The following SUPT3H variants were observed in gnomAD, a reference collection of about 807,000 sequenced individuals.
SUPT3H encodes the protein SPT3 homolog, SAGA and STAGA complex component.
SUPT3H carries 44 observed loss-of-function variants against 44.3 expected under a neutral mutation model. The ratio of observed to expected loss-of-function variants is 0.99; its 90% CI spans 0.78 to 1.28. The LOEUF (loss-of-function observed/expected upper bound fraction) is 1.28, where lower values mean the gene tolerates loss of function less well. SUPT3H is among the 50% of genes most tolerant of loss of function. SUPT3H has a pLI of 0.00. For missense variants in SUPT3H, 380 were observed against 387.1 expected (o/e 0.98, Z 0.15); for synonymous variants, 124 against 125.6 (o/e 0.99, Z 0.09).
At chr6:45,282,474 G>A (rs1778322909) in intron 2 of SUPT3H, among the ~76,000 whole-genome samples, 2 of 152,308 alleles carry the variant, frequency 1.3e-5, no homozygotes, top group Middle Eastern at 3.4e-3. Flanking sequence ...TCAACTGGAA[G>A]AAAGGGTATC....
intron 2 of SUPT3H, among the ~76,000 whole-genome samples, chr6:45,296,226 C>G (rs1781206366): frequency 8.5e-6 from 1 of 117,564 alleles, no homozygotes; most frequent in Admixed American, 8.1e-5. Context: ...TGCAACACTA[C>G]TCAACCATAA....
chr6:45,092,675 G>C (rs1797283866), intron 3 of SUPT3H, among the ~76,000 whole-genome samples: 1 of 150,476 alleles, frequency 6.6e-6, no homozygotes, highest in Non-Finnish European at 1.5e-5. Flanking sequence ...ACTTGAACCT[G>C]TGAGTTGGAG....
intron 1 of SUPT3H, among the ~76,000 whole-genome samples, chr6:45,368,643 C>G (rs1795544011): frequency 6.6e-6 from 1 of 152,084 alleles, no homozygotes. Context: ...CAAACATCAT[C>G]AAAATCTGGA....
At chr6:44,926,589 TAAATATATAAAAATG>T (rs1769555144) in intron 10 of SUPT3H, among the ~76,000 whole-genome samples, 1 of 152,128 alleles carries the variant, frequency 6.6e-6, no homozygotes. Flanking sequence ...AAATTATTAG[TAAATATATAAAAATG>T]TTCAATATCA....
At chr6:45,108,343 C>T (rs987474044) in intron 2 of SUPT3H, among the ~76,000 whole-genome samples, 17 of 152,210 alleles carry the variant, frequency 1.1e-4, no homozygotes, top group Admixed American at 4.6e-4. Context: ...CCAGGCATGG[C>T]GGCATGCACC....
At chr6:45,284,197 A>G (rs1335692943) in intron 2 of SUPT3H, among the ~76,000 whole-genome samples, 1 of 152,220 alleles carries the variant, frequency 6.6e-6, no homozygotes, top group African/African-American at 2.4e-5. Flanking sequence ...GAGAAGCAAG[A>G]GCAAACACAT....
chr6:44,840,846 T>C (rs980807853), intron 10 of SUPT3H, among the ~76,000 whole-genome samples: 4 of 152,248 alleles, frequency 2.6e-5, no homozygotes, highest in African/African-American at 9.6e-5. Flanking sequence ...GGAGACTCTA[T>C]GCCTTCTTTC....
intron 7 of SUPT3H, among the ~76,000 whole-genome samples, chr6:44,959,576 T>C (rs1775708115): frequency 6.6e-6 from 1 of 151,990 alleles, no homozygotes; most frequent in Non-Finnish European, 1.5e-5. Flanking sequence ...ATTTAAATTA[T>C]TATAAATTAT....
At chr6:45,200,108 T>G (rs986089500) in intron 2 of SUPT3H, among the ~76,000 whole-genome samples, 5 of 151,348 alleles carry the variant, frequency 3.3e-5, no homozygotes, top group African/African-American at 1.2e-4. Flanking sequence ...TAGAGAAAAA[T>G]GAAAAGCAAA....
rs1002305833 is a variant in SUPT3H at position 44,828,584 on chromosome 6, G to A, written c.*1232C>T. ...AAGCTAATGACATAACCTCTAAATG[G>A]CATGTTCAGAAAGTTTTATACTTCC... On this transcript the variant is annotated 3_prime_UTR_variant, in exon 11 of 11. Transcript: ENST00000371459. 4.6e-5 allele frequency: 7 copies of A among 152,082 alleles called. No individual in the cohort carries two copies. Among genetic ancestry groups the A allele is most frequent in the Admixed American group, 6.6e-5 (1 of 15,262 alleles). The allele number at this position is 152,082 out of a possible 1,614,324, so 9.4% of individuals were successfully genotyped here.
intron 6 of SUPT3H, among the ~76,000 whole-genome samples, chr6:44,962,141 A>G (rs946417262): frequency 2.0e-5 from 3 of 152,222 alleles, no homozygotes; most frequent in African/African-American, 7.2e-5. Context: ...AGGGAATAAT[A>G]AACCAAACAG....
rs1024169008 is a variant in SUPT3H, at chr6:44,981,811, T to C, written c.505-19983A>G. On this transcript the variant is annotated intron_variant, in intron 6 of 10. Transcript: ENST00000371459. ...TTAGAAACATTTTGGCTGGGCATGGTAGCTCATGCCTGTAATCTCAGCACT... is the reference window on the plus strand; with the variant it reads ...TTAGAAACATTTTGGCTGGGCATGGCAGCTCATGCCTGTAATCTCAGCACT... Among the ~76,000 whole-genome samples, 103 of 149,968 alleles carry C rather than the reference T, an allele frequency of 6.9e-4. 1 individual carries two copies. The highest frequency in any genetic ancestry group is 2.7e-4 in the Non-Finnish European group (18 of 67,816).
chr6:45,131,461 C>T (rs1340234879), intron 2 of SUPT3H, among the ~76,000 whole-genome samples: 2 of 152,076 alleles, frequency 1.3e-5, no homozygotes, highest in African/African-American at 2.4e-5. Flanking sequence ...TTCTAACATA[C>T]ATATTAACAG....
At chr6:44,863,230 G>T (rs1481163966) in intron 10 of SUPT3H, among the ~76,000 whole-genome samples, 1 of 152,166 alleles carries the variant, frequency 6.6e-6, no homozygotes, top group African/African-American at 2.4e-5. Context: ...ATGCACCTGT[G>T]AGCCAAACAG....
At chr6:44,817,284 A>G (rs999632782) in intron 11 of SUPT3H, among the ~76,000 whole-genome samples, 2 of 152,154 alleles carry the variant, frequency 1.3e-5, no homozygotes, top group Admixed American at 6.5e-5. Context: ...CATTTGATAA[A>G]ATTCAACATC....
chr6:45,118,545 T>C (rs1801157615), intron 2 of SUPT3H, among the ~76,000 whole-genome samples: 1 of 152,138 alleles, frequency 6.6e-6, no homozygotes, highest in South Asian at 2.1e-4. Context: ...CATTTGTTCC[T>C]AAAATATCAA....
rs73737891 is a variant in SUPT3H, at chr6:45,111,502, A to C, written c.102-5496T>G. On this transcript the variant is annotated intron_variant, in intron 2 of 10. Coordinates refer to ENST00000371459, the MANE Select transcript of SUPT3H (RefSeq NM_003599.4). ...AGTAAATCAGTCTAATTAGTACTAG[A>C]AGGTCATGGCATACATTCCCCCCTC... Among the ~76,000 whole-genome samples the C allele has an allele frequency of 5.7e-3, 866 of 151,940 alleles. 13 individuals are homozygous for C. Among genetic ancestry groups the C allele is most frequent in the African/African-American group, 0.02 (825 of 41,394 alleles).
rs1188017084 is a variant in SUPT3H at position 45,299,335 on chromosome 6, C to A, written c.101+65866G>T. Among the ~76,000 whole-genome samples the A allele has an allele frequency of 6.8e-3, 943 of 137,872 alleles. 1 individual carries two copies. The highest frequency in any genetic ancestry group is 0.014 in the South Asian group (58 of 4,296). 90.4% of individuals were successfully genotyped at this position (137,872 alleles called of 152,430 possible). ...TGGGCAACACAGCAAGACTCTGCCTCAAAAAAAAAAAAAAGAATTGTATGA... is the reference window on the plus strand; with the variant it reads ...TGGGCAACACAGCAAGACTCTGCCTAAAAAAAAAAAAAAAGAATTGTATGA... On this transcript the variant is annotated intron_variant, in intron 2 of 10. Transcript: ENST00000371459.
At chr6:44,818,567 A>G (rs558858384) in intron 11 of SUPT3H, among the ~76,000 whole-genome samples, 1 of 151,470 alleles carries the variant, frequency 6.6e-6, no homozygotes, top group Non-Finnish European at 1.5e-5. Context: ...ATTTCTGATA[A>G]TAGATCTGTA....
Sources: gnomAD v4.1 joint callset for allele counts (sites outside exome capture counted in the v4.1 genomes callset) on GRCh38, gnomAD v4.1.1 for gene constraint, MANE v1.5 for transcripts, NCBI Gene and HGNC (gene_info 2026-07-23, HGNC 2026-07-21) for gene names.